DLG2: variants seen among roughly 807,000 people sequenced by gnomAD.
The protein encoded by DLG2 is disks large homolog 2.
DLG2 carries 45 observed loss-of-function variants against 132.5 expected under a neutral mutation model. The observed-to-expected ratio is 0.34, with a 90% confidence interval of 0.27 to 0.44. The LOEUF (loss-of-function observed/expected upper bound fraction) is 0.44. Ranked by LOEUF, DLG2 falls within the 20% of genes least tolerant of loss-of-function variation. The pLI is 1.00. For synonymous variants in DLG2, 424 were observed against 419.6 expected (o/e 1.01, Z -0.13); for missense variants, 1,045 against 1,196.9 (o/e 0.87, Z 1.87).
chr11:84,774,274 AT>A (rs1433421212), intron 6 of DLG2, among the ~76,000 whole-genome samples: 1 of 152,102 alleles, frequency 6.6e-6, no homozygotes, highest in Non-Finnish European at 1.5e-5. Context: ...CTGCAAAAAA[AT>A]AAATAAAAAA....
At chr11:84,380,268 C>A (rs2098744730) in intron 7 of DLG2, among the ~76,000 whole-genome samples, 2 of 141,354 alleles carry the variant, frequency 1.4e-5, no homozygotes, top group African/African-American at 5.9e-5. Context: ...GAGTCTTGAT[C>A]TAATTGACAT....
intron 6 of DLG2, among the ~76,000 whole-genome samples, chr11:84,650,867 G>GTATATATA (rs1158584073): frequency 3.7e-4 from 35 of 95,684 alleles, no homozygotes; most frequent in Admixed American, 1.8e-3. Flanking sequence ...GTGTGTGTGT[G>GTATATATA]TGTGTGTATA....
intron 25 of DLG2, among the ~76,000 whole-genome samples, chr11:83,467,374 T>G (rs2091225063): frequency 6.6e-6 from 1 of 152,138 alleles, no homozygotes; most frequent in Admixed American, 6.6e-5. Flanking sequence ...GAGAATAATG[T>G]GAATTTTTCC....
intron 12 of DLG2, among the ~76,000 whole-genome samples, chr11:83,973,208 A>G (rs1022357662): frequency 1.3e-5 from 2 of 151,792 alleles, no homozygotes; most frequent in African/African-American, 4.8e-5. Context: ...AATTTAGAGT[A>G]GAGAAATATA....
chr11:84,393,802 C>T (rs2098801359), intron 7 of DLG2, among the ~76,000 whole-genome samples: 1 of 152,134 alleles, frequency 6.6e-6, no homozygotes, highest in South Asian at 2.1e-4. Context: ...AAATTCTAAA[C>T]TTAGTCAATT....
intron 7 of DLG2, among the ~76,000 whole-genome samples, chr11:84,490,836 T>C (rs1392733453): frequency 6.6e-6 from 1 of 151,460 alleles, no homozygotes; most frequent in Non-Finnish European, 1.5e-5. Context: ...TTCTGGAGAG[T>C]AGGAATAATG....
intron 8 of DLG2, among the ~76,000 whole-genome samples, chr11:84,246,524 A>C (rs1172779311): frequency 6.6e-6 from 1 of 152,218 alleles, no homozygotes; most frequent in East Asian, 1.9e-4. Context: ...CTTTAAGGGA[A>C]AACTTGAAAA....
At chr11:83,857,250 T>C (rs1565368694) in intron 16 of DLG2, among the ~76,000 whole-genome samples, 1 of 152,194 alleles carries the variant, frequency 6.6e-6, no homozygotes, top group Non-Finnish European at 1.5e-5. Context: ...TCAGCTAGTG[T>C]GATGTCTCCA....
chr11:84,082,980 G>T (rs1335513478), intron 10 of DLG2, among the ~76,000 whole-genome samples: 1 of 152,154 alleles, frequency 6.6e-6, no homozygotes, highest in Non-Finnish European at 1.5e-5. Flanking sequence ...TAGCTATCAA[G>T]AAAATAACTA....
intron 8 of DLG2, chr11:84,166,950 A>G (rs775164228): frequency 7.5e-6 from 4 of 533,168 alleles, no homozygotes; most frequent in Non-Finnish European, 1.5e-5. Flanking sequence ...GGTAATATTT[A>G]AGTACCTTGG....
intron 8 of DLG2, among the ~76,000 whole-genome samples, chr11:84,241,242 G>A (rs1399618): frequency 0.69 from 104,364 of 152,104 alleles, 36,314 homozygotes; most frequent in Middle Eastern, 0.79. Flanking sequence ...CAGGGTTTCT[G>A]AGGTATAACT....
chr11:84,180,519 T>C (rs2096088231), intron 8 of DLG2, among the ~76,000 whole-genome samples: 1 of 151,858 alleles, frequency 6.6e-6, no homozygotes, highest in Non-Finnish European at 1.5e-5. Context: ...AAATCACAGA[T>C]CCAGGAACCT....
At chr11:83,517,998 T>C (rs1398816877) in intron 21 of DLG2, among the ~76,000 whole-genome samples, 1 of 152,192 alleles carries the variant, frequency 6.6e-6, no homozygotes, top group Non-Finnish European at 1.5e-5. Context: ...AGTCTGTCTG[T>C]TCTCAGATCT....
intron 18 of DLG2, among the ~76,000 whole-genome samples, chr11:83,722,717 C>G (rs1443989253): frequency 6.6e-6 from 1 of 152,176 alleles, no homozygotes; most frequent in Non-Finnish European, 1.5e-5. Flanking sequence ...GTGCCACCTT[C>G]AGCCAACTTA....
chr11:83,913,167 C>CGATTATAG (rs1658603121), intron 15 of DLG2, among the ~76,000 whole-genome samples: 1 of 151,818 alleles, frequency 6.6e-6, no homozygotes, highest in Non-Finnish European at 1.5e-5. Flanking sequence ...CAGAATATGC[C>CGATTATAG]CTCGATTATA....
chr11:84,673,489 T>C (rs2099708139), intron 6 of DLG2, among the ~76,000 whole-genome samples: 1 of 151,374 alleles, frequency 6.6e-6, no homozygotes, highest in Admixed American at 6.6e-5. Context: ...ATAAATATTA[T>C]AAATAAGTGC....
chr11:85,625,613 A>G (rs1286675918), intron 2 of DLG2, among the ~76,000 whole-genome samples: 1 of 152,244 alleles, frequency 6.6e-6, no homozygotes, highest in Non-Finnish European at 1.5e-5. Context: ...AGAATTAAAC[A>G]CCATGCAGAG....
chr11:85,287,477 A>T (rs1213754139), intron 3 of DLG2, among the ~76,000 whole-genome samples: 1 of 152,136 alleles, frequency 6.6e-6, no homozygotes, highest in East Asian at 1.9e-4. Context: ...TGCCATTTAC[A>T]TCAAAAATAT....
At chr11:83,481,167 T>G (rs2093071159) in intron 22 of DLG2, among the ~76,000 whole-genome samples, 1 of 151,976 alleles carries the variant, frequency 6.6e-6, no homozygotes, top group Non-Finnish European at 1.5e-5. Context: ...AAGTATGTTT[T>G]TTTTAAATTC....
Sources: allele counts gnomAD v4.1 joint callset (sites outside exome capture counted in the v4.1 genomes callset), GRCh38; gene constraint gnomAD v4.1.1; transcripts MANE v1.5; gene names NCBI Gene and HGNC (gene_info 2026-07-23, HGNC 2026-07-21).